Variants in FEM1B observed in about 807,000 individuals in gnomAD.
FEM1B encodes the protein fem-1 homolog B.
A neutral mutation model predicts 38.6 loss-of-function variants in FEM1B; 10 were observed. The ratio of observed to expected loss-of-function variants is 0.26; its 90% CI spans 0.16 to 0.44. FEM1B has a LOEUF of 0.44. FEM1B is among the 20% of genes least tolerant of loss of function. The pLI is 1.00. For missense variants in FEM1B, 471 were observed against 786.7 expected (o/e 0.60, Z 4.80); for synonymous variants, 288 against 288.0 (o/e 1.00, Z 0.00).
In FEM1B at chr15:68,288,129, C is replaced by T. The variant is rs954831287; in HGVS notation, c.249-1478C>T. ...ATAGGCGTGAGCCACCATGCCAGGC[C>T]TAACGCCTCTTGTGTGTGGTCCTTA... On this transcript the variant is annotated intron_variant, in intron 1 of 1. Coordinates refer to ENST00000306917, the MANE Select transcript of FEM1B (RefSeq NM_015322.5). The surrounding 1 kb of genome is among the most constrained non-coding windows in gnomAD (Gnocchi z 4.6). Among the ~76,000 whole-genome samples the T allele has an allele frequency of 6.6e-6, 1 of 152,210 alleles. No individual in the cohort carries two copies. Among genetic ancestry groups the T allele is most frequent in the African/African-American group, 2.4e-5 (1 of 41,448 alleles).
At chr15:68,287,726 G>T (rs775256769) in intron 1 of FEM1B, among the ~76,000 whole-genome samples, 1 of 152,096 alleles carries the variant, frequency 6.6e-6, no homozygotes, top group Non-Finnish European at 1.5e-5. Flanking sequence ...GGTGCCAGTA[G>T]GTTCAGTTGT....
rs1200052445 is a variant in FEM1B at position 68,280,565 on chromosome 15, G to T, written c.248+1900G>T. Among the ~76,000 whole-genome samples the T allele has an allele frequency of 6.6e-6, 1 of 152,204 alleles. No homozygotes were observed. The highest frequency in any genetic ancestry group is 1.5e-5 in the Non-Finnish European group (1 of 68,036). On this transcript the variant is annotated intron_variant, in intron 1 of 1. Coordinates refer to ENST00000306917, the MANE Select transcript of FEM1B (RefSeq NM_015322.5). The surrounding 1 kb of genome is among the most constrained non-coding windows in gnomAD (Gnocchi z 4.2). ...GCTTCACAGAGGAGGTGACGTTCGA[G>T]CTGTGTTTTAAAGAATAGTAGTAGG...
intron 1 of FEM1B, among the ~76,000 whole-genome samples, chr15:68,279,581 A>AT (rs912550668): frequency 1.2e-3 from 182 of 149,160 alleles, no homozygotes; most frequent in African/African-American, 2.3e-3. Context: ...CTATTTTAGC[A>AT]TTTTTTTTTT....
chr15:68,278,486 G>C lies in FEM1B; in HGVS notation c.69G>C (p.Leu23Phe), dbSNP rs775905482. 25 of 1,613,924 alleles carry C rather than the reference G, an allele frequency of 1.5e-5. No individual in the cohort carries two copies. Among genetic ancestry groups the C allele is most frequent in the Non-Finnish European group, 2.1e-5 (25 of 1,180,030 alleles). Residue 23 changes from leucine (L) to phenylalanine (F), a missense_variant, in exon 1 of 2, where the codon TTG becomes TTC. This residue lies in a region of FEM1B where 91 missense variants were observed against 169.6 expected (regional missense o/e 0.54). Transcript: ENST00000306917. The surrounding 1 kb of genome is among the most constrained non-coding windows in gnomAD (Gnocchi z 5.7). ...SEGKVLTLAA[L>F]LLNRSESDIR... ...GCAAGGTGCTGACTCTGGCCGCCTT[G>C]CTTCTCAACCGGTCTGAAAGCGACA...
rs562550117 is a variant in FEM1B at position 68,290,574 on chromosome 15, G to C, written c.1216G>C (p.Asp406His). ...TTTGAATGAAACTGTGAAGGCCCCA[G>C]ACATAGAATGTGTTTTGAGATGCAG... ...IHLNETVKAP[D>H]IECVLRCSVL... is the part of the protein sequence containing the mutation. Residue 406 changes from aspartate (D) to histidine (H), a missense_variant, in exon 2 of 2, where the codon GAC becomes CAC. Physicochemically the swap from Asp to His is moderately conservative, Grantham distance 81. Transcript: ENST00000306917. The surrounding 1 kb of genome is among the most constrained non-coding windows in gnomAD (Gnocchi z 9.7). 1.3e-5 allele frequency: 21 copies of C among 1,614,202 alleles called. No homozygotes were observed. The highest frequency in any genetic ancestry group is 1.6e-5 in the Non-Finnish European group (19 of 1,180,030).
chr15:68,286,856 T>C (rs1190379143), intron 1 of FEM1B, among the ~76,000 whole-genome samples: 1 of 149,030 alleles, frequency 6.7e-6, no homozygotes, highest in Non-Finnish European at 1.5e-5. Context: ...AAACATATAG[T>C]TGGCATCACT....
chr15:68,289,488 C>G lies in FEM1B; in HGVS notation c.249-119C>G. The G allele has an allele frequency of 2.9e-6, 2 of 680,590 alleles. No homozygotes were observed. Among genetic ancestry groups the G allele is most frequent in the South Asian group, 3.8e-5 (2 of 52,394 alleles). The allele number at this position is 680,590 out of a possible 1,614,324, so 42.2% of individuals were successfully genotyped here. A position where few individuals can be genotyped will look rare whatever the true frequency, so the allele number is the denominator to read the frequency against. On this transcript the variant is annotated intron_variant, in intron 1 of 1. Coordinates refer to ENST00000306917, the MANE Select transcript of FEM1B (RefSeq NM_015322.5). The surrounding 1 kb of genome is among the most constrained non-coding windows in gnomAD (Gnocchi z 6.9). Reference sequence around the variant, plus strand: ...TTACCTGTTTTTATTTTCATGAGAACTGATGTTTTATTAATGTTCTGGAGA... The same window carrying G: ...TTACCTGTTTTTATTTTCATGAGAAGTGATGTTTTATTAATGTTCTGGAGA...
Position 68,291,098 on chromosome 15 carries a change from T to C in FEM1B, c.1740T>C (p.Ser580=). 6.2e-7 allele frequency: 1 copy of C among 1,614,134 alleles called. No homozygotes were observed. Among genetic ancestry groups the C allele is most frequent in the Middle Eastern group, 1.6e-4 (1 of 6,062 alleles). Residue 580 remains serine (S), a synonymous_variant, in exon 2 of 2, where the codon AGT becomes AGC. Coordinates refer to ENST00000306917, the MANE Select transcript of FEM1B (RefSeq NM_015322.5). The surrounding 1 kb of genome is among the most constrained non-coding windows in gnomAD (Gnocchi z 6.9). ...NKQNKTPLDK[S]TTGVSEILLK... ...AGAATAAGACTCCGCTAGACAAAAG[T>C]ACAACTGGGGTATCTGAAATACTGC... is the stretch of plus-strand genomic sequence containing the variant.
rs1032829968 is a variant in FEM1B at position 68,278,155 on chromosome 15, C to G, written c.-263C>G. On this transcript the variant is annotated 5_prime_UTR_variant, in exon 1 of 2. Transcript: ENST00000306917. The surrounding 1 kb of genome is among the most constrained non-coding windows in gnomAD (Gnocchi z 5.7). ...CATGGAGATCCCCTCGGTCCAGGGC[C>G]GGCGCCTGGGACCTGGCGGGCGGCC... 9 of 425,154 alleles carry G rather than the reference C, an allele frequency of 2.1e-5. No homozygotes were observed. The highest frequency in any genetic ancestry group is 3.4e-5 in the Non-Finnish European group (8 of 237,864). 26.3% of individuals were successfully genotyped at this position (425,154 alleles called of 1,614,324 possible).
Position 68,280,563 on chromosome 15 carries a change from G to A in FEM1B, c.248+1898G>A, listed in dbSNP as rs373579495. ...AGGCTTCACAGAGGAGGTGACGTTCGAGCTGTGTTTTAAAGAATAGTAGTA... is the reference window on the plus strand; with the variant it reads ...AGGCTTCACAGAGGAGGTGACGTTCAAGCTGTGTTTTAAAGAATAGTAGTA... On this transcript the variant is annotated intron_variant, in intron 1 of 1. Coordinates refer to ENST00000306917, the MANE Select transcript of FEM1B (RefSeq NM_015322.5). This position sits in a 1 kb window ranked among gnomAD's most constrained non-coding sequence, Gnocchi z 4.2. Among the ~76,000 whole-genome samples, 2 of 152,148 alleles carry A rather than the reference G, an allele frequency of 1.3e-5. No homozygotes were observed. The highest frequency in any genetic ancestry group is 4.8e-5 in the African/African-American group (2 of 41,430).
rs1424703624 is a variant in FEM1B at position 68,280,620 on chromosome 15, C to T, written c.248+1955C>T. ...GAAGAAGAGGGGCAGCAGCTTGGTG[C>T]CCTTGCAGTGACTAGTGTTTCAGTG... On this transcript the variant is annotated intron_variant, in intron 1 of 1. Coordinates refer to ENST00000306917, the MANE Select transcript of FEM1B (RefSeq NM_015322.5). This position sits in a 1 kb window ranked among gnomAD's most constrained non-coding sequence, Gnocchi z 4.2. Among the ~76,000 whole-genome samples the T allele has an allele frequency of 1.3e-5, 2 of 152,104 alleles. No individual in the cohort carries two copies. The highest frequency in any genetic ancestry group is 4.8e-5 in the African/African-American group (2 of 41,422).
Position 68,290,672 on chromosome 15 carries a change from C to T in FEM1B, c.1314C>T (p.Asp438=). ...ISDADVHNAM[D]NYECNLYTFL... ...ATGCTGATGTCCACAATGCTATGGACAATTATGAATGTAATCTCTATACCT... is the reference window on the plus strand; with the variant it reads ...ATGCTGATGTCCACAATGCTATGGATAATTATGAATGTAATCTCTATACCT... Residue 438 remains aspartate, a synonymous_variant, in exon 2 of 2, where the codon GAC becomes GAT. Coordinates refer to ENST00000306917, the MANE Select transcript of FEM1B (RefSeq NM_015322.5). The surrounding 1 kb of genome is among the most constrained non-coding windows in gnomAD (Gnocchi z 9.7). The T allele has an allele frequency of 6.2e-7, 1 of 1,613,778 alleles. No homozygotes were observed. The highest frequency in any genetic ancestry group is 8.5e-7 in the Non-Finnish European group (1 of 1,179,658).
Position 68,290,120 on chromosome 15 carries a change from A to G in FEM1B, c.762A>G (p.Glu254=). The stretch of plus-strand genomic sequence containing the variant: ...GAAGAAGTCGGATTGAAGCTTTGGA[A>G]CTCTTGGGTGCCTCCTTTGCAAATG... ...CDRRSRIEAL[E]LLGASFANDR... The change falls in exon 2 of 2, where the codon GAA becomes GAG. Residue 254 remains glutamate (E), a synonymous_variant. Coordinates refer to ENST00000306917, the MANE Select transcript of FEM1B (RefSeq NM_015322.5). The surrounding 1 kb of genome is among the most constrained non-coding windows in gnomAD (Gnocchi z 9.7). 1 of 1,614,098 alleles carries G rather than the reference A, an allele frequency of 6.2e-7. No individual in the cohort carries two copies. Among genetic ancestry groups the G allele is most frequent in the Non-Finnish European group, 8.5e-7 (1 of 1,180,040 alleles).
In FEM1B at chr15:68,278,941, CTAGA is replaced by C. The variant is rs1243643110; in HGVS notation, c.248+280_248+283del. Among the ~76,000 whole-genome samples, 1 of 152,140 alleles carries C rather than the reference CTAGA, an allele frequency of 6.6e-6. No homozygotes were observed. Among genetic ancestry groups the C allele is most frequent in the East Asian group, 1.9e-4 (1 of 5,194 alleles). On this transcript the variant is annotated intron_variant, in intron 1 of 1. Transcript: ENST00000306917. The surrounding 1 kb of genome is among the most constrained non-coding windows in gnomAD (Gnocchi z 5.7). ...TGAAATCTAATAGTCGTCTTCTCTA[CTAGA>C]TAGTCTGTGAACAAGCCATTTGGAG...
intron 1 of FEM1B, among the ~76,000 whole-genome samples, chr15:68,283,791 A>G (rs1308285048): frequency 6.6e-6 from 1 of 152,132 alleles, no homozygotes; most frequent in Non-Finnish European, 1.5e-5. Flanking sequence ...TTAAATTGAA[A>G]CAAATGTTTG....
In FEM1B at chr15:68,295,297, G is replaced by A. The variant is rs1892892336; in HGVS notation, c.*4055G>A. 1 of 152,188 alleles carries A rather than the reference G, an allele frequency of 6.6e-6. No homozygotes were observed. Among genetic ancestry groups the A allele is most frequent in the Non-Finnish European group, 1.5e-5 (1 of 68,020 alleles). The allele number at this position is 152,188 out of a possible 1,614,324, so 9.4% of individuals were successfully genotyped here. ...TGTGATGAATGGCCTAATCAGAAAA[G>A]TGAAGGAGCGAAGATGCAAGCTTGC... On this transcript the variant is annotated 3_prime_UTR_variant, in exon 2 of 2. Transcript: ENST00000306917.
rs1376655022 is a variant in FEM1B at position 68,281,054 on chromosome 15, T to G, written c.248+2389T>G. ...CCTTCTGTGAGATTATTTTGCAGTT[T>G]ATCCCAGTCATTTTAGGATTTTAGA... On this transcript the variant is annotated intron_variant, in intron 1 of 1. Transcript: ENST00000306917. The surrounding 1 kb of genome is among the most constrained non-coding windows in gnomAD (Gnocchi z 5.1). Among the ~76,000 whole-genome samples, 2 of 152,252 alleles carry G rather than the reference T, an allele frequency of 1.3e-5. No homozygotes were observed. Among genetic ancestry groups the G allele is most frequent in the African/African-American group, 4.8e-5 (2 of 41,462 alleles).
chr15:68,282,351 T>C (rs1257538529), intron 1 of FEM1B, among the ~76,000 whole-genome samples: 1 of 152,220 alleles, frequency 6.6e-6, no homozygotes, highest in Non-Finnish European at 1.5e-5. Context: ...TTTGACTTCA[T>C]TTAGAAAGTC....
rs1291350488 is a variant in FEM1B, at chr15:68,284,016, G to C, written c.248+5351G>C. On this transcript the variant is annotated intron_variant, in intron 1 of 1. Transcript: ENST00000306917. The surrounding 1 kb of genome is among the most constrained non-coding windows in gnomAD (Gnocchi z 4.4). ...TTCTTCTGCCTCAGCCTCCCGAGTA[G>C]CTGGGATTACAGACATGCGCCACCA... Among the ~76,000 whole-genome samples, 1 of 151,768 alleles carries C rather than the reference G, an allele frequency of 6.6e-6. No homozygotes were observed. The highest frequency in any genetic ancestry group is 1.5e-5 in the Non-Finnish European group (1 of 67,978).
Sources: allele counts gnomAD v4.1 joint callset (sites outside exome capture counted in the v4.1 genomes callset), GRCh38; gene constraint gnomAD v4.1.1; regional missense constraint gnomAD v4.1.1; non-coding constraint Gnocchi (gnomAD v3.1); transcripts MANE v1.5; gene names NCBI Gene and HGNC (gene_info 2026-07-23, HGNC 2026-07-21).